Variants in MPPED1 observed in about 807,000 individuals in gnomAD.
MPPED1 encodes the protein metallophosphoesterase domain containing 1.
In MPPED1, 16 loss-of-function variants were observed where a neutral mutation model predicts 36.2. That is an observed-to-expected ratio of 0.44 (90% CI 0.30 to 0.67). The LOEUF (loss-of-function observed/expected upper bound fraction) is 0.67, where lower values mean the gene tolerates loss of function less well. MPPED1 is among the 30% of genes least tolerant of loss of function. MPPED1 has a pLI of 0.10. For missense variants in MPPED1, 307 were observed against 453.4 expected (o/e 0.68, Z 2.93); for synonymous variants, 199 against 191.3 (o/e 1.04, Z -0.33).
chr22:43,450,438 C>T (rs369254385), intron 3 of MPPED1, among the ~76,000 whole-genome samples: 3 of 152,378 alleles, frequency 2.0e-5, no homozygotes, highest in South Asian at 4.1e-4. Context: ...TCTGCTTAGC[C>T]TCGTGGGTCC....
intron 3 of MPPED1, among the ~76,000 whole-genome samples, chr22:43,443,941 A>T (rs1930240231): frequency 6.6e-6 from 1 of 152,330 alleles, no homozygotes; most frequent in South Asian, 2.1e-4. Flanking sequence ...AGTGTGATTG[A>T]TAAACTGAGT....
chr22:43,451,973 G>C (rs1051354219), intron 3 of MPPED1, among the ~76,000 whole-genome samples: 2 of 151,464 alleles, frequency 1.3e-5, no homozygotes, highest in Non-Finnish European at 2.9e-5. Flanking sequence ...ATGGATACCT[G>C]TTTCTGTAGT....
intron 3 of MPPED1, among the ~76,000 whole-genome samples, chr22:43,444,654 T>C (rs1930273008): frequency 6.6e-6 from 1 of 152,168 alleles, no homozygotes; most frequent in Non-Finnish European, 1.5e-5. Flanking sequence ...TAGGCCACCA[T>C]GCCTGGCCCT....
At chr22:43,460,248 CAAAA>C (rs141930811) in intron 3 of MPPED1, among the ~76,000 whole-genome samples, 1 of 62,502 alleles carries the variant, frequency 1.6e-5, no homozygotes, top group African/African-American at 4.8e-5. Flanking sequence ...AAAACAAAAA[CAAAA>C]ACAAACCCAA....
At chr22:43,505,280 A>T (rs550149911) in intron 6 of MPPED1, among the ~76,000 whole-genome samples, 47 of 152,252 alleles carry the variant, frequency 3.1e-4, no homozygotes, top group African/African-American at 1.1e-3. Context: ...AGCACAGTAC[A>T]TAGATAATTA....
chr22:43,487,755 G>A lies in MPPED1; in HGVS notation c.633-10480G>A, dbSNP rs1194641869. 2.6e-5 allele frequency among the ~76,000 whole-genome samples: 4 copies of A among 152,186 alleles called. No homozygotes were observed. In the East Asian group the frequency reaches 7.7e-4, roughly 29 times the overall value. On this transcript the variant is annotated intron_variant, in intron 4 of 6. Coordinates refer to ENST00000443721, the MANE Select transcript of MPPED1 (RefSeq NM_001044370.2). The stretch of plus-strand genomic sequence containing the variant: ...ACAGGACGCAGGAGCTCTGAGCCCT[G>A]GCCCATGCCCTCGGACACACTGCTT...
At chr22:43,416,090 C>T (rs968288461) in intron 1 of MPPED1, among the ~76,000 whole-genome samples, 12 of 152,232 alleles carry the variant, frequency 7.9e-5, no homozygotes, top group Admixed American at 2.6e-4. Context: ...TTCCCTTCTT[C>T]CTGACAAAGC....
At chr22:43,463,857 TTC>T (rs1491290457) in intron 3 of MPPED1, among the ~76,000 whole-genome samples, 2 of 143,806 alleles carry the variant, frequency 1.4e-5, no homozygotes, top group African/African-American at 5.1e-5. Context: ...CTTTCTTTCT[TTC>T]TTTCTTTCTT....
In MPPED1 at chr22:43,502,023, G is replaced by C. The variant is rs761895941; in HGVS notation, c.749-621G>C. ...TGCTTGGAGTAATCAATTATTCTCC[G>C]TTTGTGTAGCCATGTGAGGATAATA... On this transcript the variant is annotated intron_variant, in intron 5 of 6. Coordinates refer to ENST00000443721, the MANE Select transcript of MPPED1 (RefSeq NM_001044370.2). This position sits in a 1 kb window ranked among gnomAD's most constrained non-coding sequence, Gnocchi z 5.5. Among the ~76,000 whole-genome samples the C allele has an allele frequency of 6.6e-6, 1 of 152,108 alleles. No homozygotes were observed. The highest frequency in any genetic ancestry group is 6.5e-5 in the Admixed American group (1 of 15,272).
chr22:43,423,235 C>T (rs1387880855), intron 1 of MPPED1, among the ~76,000 whole-genome samples: 5 of 152,210 alleles, frequency 3.3e-5, no homozygotes, highest in Admixed American at 6.5e-5. Flanking sequence ...GCTTGACCCC[C>T]GTCCAGATCT....
At chr22:43,499,992 A>G (rs1276483576) in intron 5 of MPPED1, among the ~76,000 whole-genome samples, 21 of 10,756 alleles carry the variant, frequency 2.0e-3, no homozygotes, top group Non-Finnish European at 3.0e-3. Flanking sequence ...GGTGATGGTG[A>G]TGGAGGTGGC....
At chr22:43,425,366 G>A (rs2146820078) in intron 2 of MPPED1, 157 bp downstream of exon 2, 5 of 1,342,178 alleles carry the variant, frequency 3.7e-6, no homozygotes, top group Middle Eastern at 5.4e-4. Context: ...GGGGCTCTGA[G>A]TTGGGAGGGA....
At position 43,507,505 on chromosome 22, in the gene MPPED1, A is replaced by T. The variant is rs558134656; in HGVS notation, c.*1889A>T. The T allele has an allele frequency of 1.3e-5, 2 of 152,276 alleles. No individual in the cohort carries two copies. The highest frequency in any genetic ancestry group is 4.2e-4 in the South Asian group (2 of 4,808). 9.4% of individuals were successfully genotyped at this position (152,276 alleles called of 1,614,324 possible). A position where few individuals can be genotyped will look rare whatever the true frequency, so the allele number is the denominator to read the frequency against. ...GCTGAAGGGGTTCCTGTAGCCAGGG[A>T]TGTTTATGAGGTCTCTCTGATGCCC... On this transcript the variant is annotated 3_prime_UTR_variant, in exon 7 of 7. Transcript: ENST00000443721.
chr22:43,420,206 A>G (rs572169344), intron 1 of MPPED1, among the ~76,000 whole-genome samples: 2 of 152,220 alleles, frequency 1.3e-5, no homozygotes, highest in South Asian at 4.2e-4. Flanking sequence ...ATTTAATGGG[A>G]ACCCTTCTTT....
chr22:43,498,388 C>T, intron 5 of MPPED1, 38 bp downstream of exon 5: 1 of 1,489,376 alleles, frequency 6.7e-7, no homozygotes, highest in South Asian at 1.2e-5. Flanking sequence ...GCTCGCCCAT[C>T]TGGGCTGGTG....
intron 2 of MPPED1, among the ~76,000 whole-genome samples, chr22:43,433,866 G>C (rs959440472): frequency 6.6e-6 from 1 of 152,210 alleles, no homozygotes; most frequent in East Asian, 1.9e-4. Flanking sequence ...ACAACTCCTC[G>C]AGCAGCATAC....
chr22:43,453,070 C>T (rs1930630003), intron 3 of MPPED1, among the ~76,000 whole-genome samples: 2 of 151,136 alleles, frequency 1.3e-5, no homozygotes, highest in South Asian at 2.1e-4. Context: ...CTGCCTCAGC[C>T]TCCCGAGTAG....
intron 3 of MPPED1, among the ~76,000 whole-genome samples, chr22:43,437,123 T>A (rs1051173976): frequency 6.6e-6 from 1 of 152,172 alleles, no homozygotes; most frequent in Non-Finnish European, 1.5e-5. Context: ...AGAGCATGAA[T>A]CGAAGCCCAT....
At position 43,435,082 on chromosome 22, in the gene MPPED1, C is replaced by A. The variant is rs1929907202; in HGVS notation, c.273C>A (p.Arg91=). The change falls in exon 3 of 7, where the codon CGC becomes CGA. Residue 91 remains arginine, a synonymous_variant. Transcript: ENST00000443721. The part of the protein sequence containing the change: ...HDAPKPPGYT[R]FVCVSDTHSR... ...CCCCCAAACCTCCAGGCTACACCCGCTTCGTCTGCGTCTCTGATACCCACT... is the reference window on the plus strand; with the variant it reads ...CCCCCAAACCTCCAGGCTACACCCGATTCGTCTGCGTCTCTGATACCCACT... 2 of 1,613,922 alleles carry A rather than the reference C, an allele frequency of 1.2e-6. No individual in the cohort carries two copies. Among genetic ancestry groups the A allele is most frequent in the Non-Finnish European group, 1.7e-6 (2 of 1,179,904 alleles).
Sources: allele counts gnomAD v4.1 joint callset (sites outside exome capture counted in the v4.1 genomes callset), GRCh38; gene constraint gnomAD v4.1.1; non-coding constraint Gnocchi (gnomAD v3.1); transcripts MANE v1.5; gene names NCBI Gene and HGNC (gene_info 2026-07-23, HGNC 2026-07-21).